Variants in TTC23 observed in about 807,000 individuals in gnomAD.
TTC23 encodes the protein tetratricopeptide repeat protein 23.
Under a neutral mutation model 55.1 loss-of-function variants are expected in TTC23, and 58 were observed. The observed-to-expected ratio is 1.05, with a 90% confidence interval of 0.85 to 1.31. The LOEUF is 1.31. Ranked by LOEUF, TTC23 falls within the 50% of genes most tolerant of loss-of-function variation. The pLI is 0.00. For missense variants in TTC23, 516 were observed against 534.4 expected, an observed-to-expected ratio of 0.97 and a Z score of 0.34; for synonymous variants, 203 against 199.9, an observed-to-expected ratio of 1.02 and a Z score of -0.13.
At chr15:99,188,505 C>T (rs752219922) in intron 9 of TTC23, among the ~76,000 whole-genome samples, 4 of 151,712 alleles carry the variant, frequency 2.6e-5, no homozygotes, top group Non-Finnish European at 5.9e-5. Context: ...ACGCTATGAA[C>T]AAAATTTTAA....
intron 12 of TTC23, among the ~76,000 whole-genome samples, chr15:99,150,959 T>C (rs1030530813): frequency 2.6e-5 from 4 of 152,230 alleles, no homozygotes; most frequent in Non-Finnish European, 5.9e-5. Context: ...AGCCTGGGAA[T>C]TCCTGTTTCT....
chr15:99,176,464 A>T (rs2073565914), intron 9 of TTC23, among the ~76,000 whole-genome samples: 1 of 152,128 alleles, frequency 6.6e-6, no homozygotes, highest in Non-Finnish European at 1.5e-5. Flanking sequence ...TACAAAAATT[A>T]GCCGGGCATG....
chr15:99,210,620 T>A (rs1197901800), intron 8 of TTC23, among the ~76,000 whole-genome samples: 1 of 152,188 alleles, frequency 6.6e-6, no homozygotes, highest in Non-Finnish European at 1.5e-5. Context: ...AGAGCCTTTA[T>A]GTCCAAAAGA....
At chr15:99,208,193 G>GA in intron 8 of TTC23, among the ~76,000 whole-genome samples, 1 of 151,842 alleles carries the variant, frequency 6.6e-6, no homozygotes, top group East Asian at 1.9e-4. Flanking sequence ...ATACAGATGG[G>GA]AAAAAAGGAA....
At chr15:99,167,497 T>C (rs1567376523) in intron 10 of TTC23, among the ~76,000 whole-genome samples, 1 of 152,200 alleles carries the variant, frequency 6.6e-6, no homozygotes, top group African/African-American at 2.4e-5. Context: ...GTCTGTGAGT[T>C]AGAGCAGGGA....
chr15:99,193,563 G>C (rs748675458), intron 9 of TTC23, among the ~76,000 whole-genome samples: 2 of 152,188 alleles, frequency 1.3e-5, no homozygotes, highest in Non-Finnish European at 1.5e-5. Flanking sequence ...ATATGGAACT[G>C]TCAGTCCAAT....
Position 99,248,858 on chromosome 15 carries a change from C to T in TTC23, c.-431+313G>A, listed in dbSNP as rs1206260142. ...ATTGCTGGATTTTTTTGAGAATTTA[C>T]CCTTACATGCTGATTCTGCTTCAGG... On this transcript the variant is annotated intron_variant, in intron 1 of 13. Transcript: ENST00000394132. Among the ~76,000 whole-genome samples, 4 of 151,920 alleles carry T rather than the reference C, an allele frequency of 2.6e-5. No homozygotes were observed. The South Asian group carries it at 8.3e-4, about 32-fold the overall frequency.
intron 12 of TTC23, among the ~76,000 whole-genome samples, chr15:99,146,643 C>T (rs1373103961): frequency 6.6e-6 from 1 of 152,236 alleles, no homozygotes; most frequent in Non-Finnish European, 1.5e-5. Context: ...GCACTGTACA[C>T]TCACTAAGCC....
At chr15:99,233,112 G>A (rs1332910117) in intron 4 of TTC23, among the ~76,000 whole-genome samples, 2 of 152,170 alleles carry the variant, frequency 1.3e-5, no homozygotes, top group African/African-American at 4.8e-5. Context: ...AGAGTAGAAT[G>A]CTGGTTAGCG....
intron 6 of TTC23, among the ~76,000 whole-genome samples, chr15:99,220,930 C>T (rs764971879): frequency 6.6e-6 from 1 of 152,206 alleles, no homozygotes; most frequent in Non-Finnish European, 1.5e-5. Flanking sequence ...TGCCTGGCTC[C>T]TGCACATCCA....
intron 9 of TTC23, among the ~76,000 whole-genome samples, chr15:99,182,243 C>G (rs1259831451): frequency 1.9e-5 from 2 of 103,012 alleles, no homozygotes; most frequent in African/African-American, 7.8e-5. Flanking sequence ...CTCTCTCTCT[C>G]TCTCTCACAC....
intron 12 of TTC23, chr15:99,139,834 C>T: frequency 9.7e-7 from 1 of 1,026,832 alleles, no homozygotes; most frequent in Non-Finnish European, 1.3e-6. Flanking sequence ...CTCTTGACTA[C>T]ACAGCAATGT....
intron 9 of TTC23, among the ~76,000 whole-genome samples, chr15:99,184,198 G>T (rs1001397684): frequency 6.6e-6 from 1 of 152,194 alleles, no homozygotes; most frequent in African/African-American, 2.4e-5. Context: ...AGGGCAGTGT[G>T]GAAAGGAAAT....
chr15:99,155,481 G>T (rs910092765), intron 12 of TTC23: 1 of 152,152 alleles, frequency 6.6e-6, no homozygotes, highest in African/African-American at 2.4e-5. Context: ...AGAATAGCTA[G>T]AACACCTGAT....
chr15:99,238,029 G>A (rs1289634612), intron 3 of TTC23, among the ~76,000 whole-genome samples: 2 of 152,058 alleles, frequency 1.3e-5, no homozygotes, highest in African/African-American at 2.4e-5. Context: ...ACAGTGGCAC[G>A]ATCTCGGCTC....
chr15:99,240,429 C>T (rs546510696), intron 3 of TTC23, among the ~76,000 whole-genome samples: 1 of 152,220 alleles, frequency 6.6e-6, no homozygotes, highest in South Asian at 2.1e-4. Context: ...ATTGAGCCAT[C>T]ATTTTAAAAT....
chr15:99,137,785 GT>G lies in TTC23; in HGVS notation c.*224del. The stretch of plus-strand genomic sequence containing the variant: ...CTTGTTGGCAAGAAAAACCACTTAG[GT>G]GATAGAAAACTGCTTTATAGCATAT... On this transcript the variant is annotated 3_prime_UTR_variant, in exon 14 of 14. Transcript: ENST00000394132. 3 of 626,434 alleles carry G rather than the reference GT, an allele frequency of 4.8e-6. No individual in the cohort carries two copies. The allele number at this position is 626,434 out of a possible 1,614,324, so 38.8% of individuals were successfully genotyped here.
chr15:99,156,708 C>A (rs1167168132), intron 11 of TTC23, among the ~76,000 whole-genome samples: 2 of 152,204 alleles, frequency 1.3e-5, no homozygotes, highest in African/African-American at 4.8e-5. Flanking sequence ...GGGTCCCTAC[C>A]ATGACACATG....
chr15:99,196,270 A>G (rs1158717316), intron 9 of TTC23, among the ~76,000 whole-genome samples: 1 of 152,214 alleles, frequency 6.6e-6, no homozygotes, highest in African/African-American at 2.4e-5. Flanking sequence ...GGTTTGTACA[A>G]AACTGCTTCA....
Sources: gnomAD v4.1 joint callset for allele counts (sites outside exome capture counted in the v4.1 genomes callset) on GRCh38, gnomAD v4.1.1 for gene constraint, MANE v1.5 for transcripts, NCBI Gene and HGNC (gene_info 2026-07-23, HGNC 2026-07-21) for gene names.